TRPM6: variants seen among roughly 807,000 people sequenced by gnomAD.
TRPM6 encodes transient receptor potential cation channel subfamily M member 6.
A neutral mutation model predicts 247.6 loss-of-function variants in TRPM6; 111 were observed. The ratio of observed to expected loss-of-function variants is 0.45; its 90% CI spans 0.38 to 0.52. The LOEUF is 0.52. Among genes scored for constraint, TRPM6 ranks in the 20% least tolerant of loss-of-function variants. TRPM6 has a pLI of 0.00. For synonymous variants in TRPM6, 892 were observed against 853.8 expected (o/e 1.04, Z -0.78); for missense variants, 2,126 against 2,421.5 (o/e 0.88, Z 2.56).
chr9:74,794,120 T>A (rs1400088262), intron 18 of TRPM6, among the ~76,000 whole-genome samples: 1 of 152,206 alleles, frequency 6.6e-6, no homozygotes, highest in Admixed American at 6.5e-5. Flanking sequence ...AAAAGCGATA[T>A]CACTCTACTG....
At chr9:74,883,896 TC>T (rs1192357319) in intron 1 of TRPM6, among the ~76,000 whole-genome samples, 1 of 152,202 alleles carries the variant, frequency 6.6e-6, no homozygotes, top group African/African-American at 2.4e-5. Flanking sequence ...ATGCCTGTAA[TC>T]CCAGCACTTT....
At chr9:74,840,452 A>G (rs972584299) in intron 4 of TRPM6, among the ~76,000 whole-genome samples, 1 of 152,234 alleles carries the variant, frequency 6.6e-6, no homozygotes, top group Non-Finnish European at 1.5e-5. Context: ...AAGTCACTGT[A>G]GGAAAGCTTC....
chr9:74,723,827 A>T lies in TRPM6; in HGVS notation c.*786T>A, dbSNP rs1199765183. 1 of 146,130 alleles carries T rather than the reference A, an allele frequency of 6.8e-6. No individual in the cohort carries two copies. The highest frequency in any genetic ancestry group is 1.5e-5 in the Non-Finnish European group (1 of 66,900). 9.1% of individuals were successfully genotyped at this position (146,130 alleles called of 1,614,324 possible). A position where few individuals can be genotyped will look rare whatever the true frequency, so the allele number is the denominator to read the frequency against. ...ATAAAAATATATATATATATATATAAAATATATATATTCCATATGTATTTT... is the reference window on the plus strand; with the variant it reads ...ATAAAAATATATATATATATATATATAATATATATATTCCATATGTATTTT... On this transcript the variant is annotated 3_prime_UTR_variant, in exon 39 of 39. Coordinates refer to ENST00000360774, the MANE Select transcript of TRPM6 (RefSeq NM_017662.5).
At chr9:74,800,540 G>C in intron 16 of TRPM6, 58 bp from the exon 17 acceptor site, 3 of 1,194,492 alleles carry the variant, frequency 2.5e-6, no homozygotes, top group Non-Finnish European at 3.7e-6. Context: ...TGCATTATTA[G>C]AAACATTTTA....
intron 31 of TRPM6, among the ~76,000 whole-genome samples, chr9:74,746,590 G>A (rs79654226): frequency 0.023 from 3,467 of 152,228 alleles, 132 homozygotes; most frequent in African/African-American, 0.079. Flanking sequence ...AAAACTCAGG[G>A]GTTTGCAGTC....
intron 6 of TRPM6, among the ~76,000 whole-genome samples, chr9:74,833,147 C>T (rs1283288749): frequency 6.6e-6 from 1 of 151,866 alleles, no homozygotes; most frequent in East Asian, 1.9e-4. Context: ...TGAAAAAAAG[C>T]ACATTTATAG....
intron 27 of TRPM6, among the ~76,000 whole-genome samples, chr9:74,757,848 G>T: frequency 6.6e-6 from 1 of 152,094 alleles, no homozygotes; most frequent in East Asian, 1.9e-4. Flanking sequence ...GGGAGGCAGA[G>T]GTTGCAGTGA....
chr9:74,733,958 C>CT (rs1420929049), intron 36 of TRPM6, among the ~76,000 whole-genome samples: 1 of 152,118 alleles, frequency 6.6e-6, no homozygotes, highest in Non-Finnish European at 1.5e-5. Context: ...TGTGAAAATT[C>CT]TTTGAGATGT....
At chr9:74,813,824 C>T (rs943268623) in intron 11 of TRPM6, among the ~76,000 whole-genome samples, 2 of 152,222 alleles carry the variant, frequency 1.3e-5, no homozygotes, top group African/African-American at 2.4e-5. Flanking sequence ...GGGCCGGGCA[C>T]AGGGGCTCAC....
chr9:74,815,592 C>T (rs1377845205), intron 11 of TRPM6, among the ~76,000 whole-genome samples: 1 of 152,136 alleles, frequency 6.6e-6, no homozygotes, highest in Non-Finnish European at 1.5e-5. Context: ...GGGATGACAG[C>T]TGTGCACCAG....
At chr9:74,829,062 G>T (rs1300270427) in intron 6 of TRPM6, among the ~76,000 whole-genome samples, 2 of 152,158 alleles carry the variant, frequency 1.3e-5, no homozygotes, top group African/African-American at 4.8e-5. Context: ...GGAGGCCGAA[G>T]CTAGCGGATC....
chr9:74,847,644 CAGTCATATATAT>C (rs60485591), intron 3 of TRPM6, among the ~76,000 whole-genome samples: 44,068 of 150,728 alleles, frequency 0.29, 7,610 homozygotes, highest in East Asian at 0.5. Flanking sequence ...TAGTCATATA[CAGTCATATATAT>C]AGTCATATAT....
intron 38 of TRPM6, among the ~76,000 whole-genome samples, chr9:74,725,398 G>A (rs1359321599): frequency 6.6e-6 from 1 of 151,708 alleles, no homozygotes; most frequent in East Asian, 1.9e-4. Context: ...AGGATTATGT[G>A]GAAATAAAAC....
At chr9:74,795,854 G>A (rs556298230) in intron 18 of TRPM6, among the ~76,000 whole-genome samples, 1 of 152,272 alleles carries the variant, frequency 6.6e-6, no homozygotes, top group Non-Finnish European at 1.5e-5. Context: ...AGTAAATGCA[G>A]TATTTGATGC....
chr9:74,809,405 G>A (rs1211348269), intron 13 of TRPM6, among the ~76,000 whole-genome samples: 4 of 152,180 alleles, frequency 2.6e-5, no homozygotes, highest in African/African-American at 4.8e-5. Flanking sequence ...TGAAGATTGT[G>A]ACTAATATTC....
intron 3 of TRPM6, among the ~76,000 whole-genome samples, 168 bp downstream of exon 3, chr9:74,855,359 C>T (rs894812187): frequency 1.3e-5 from 2 of 152,162 alleles, no homozygotes; most frequent in African/African-American, 4.8e-5. Context: ...TAGTCTATTA[C>T]GTTCGAATAC....
intron 13 of TRPM6, among the ~76,000 whole-genome samples, chr9:74,809,088 T>C (rs1398984396): frequency 2.0e-5 from 3 of 152,194 alleles, no homozygotes; most frequent in Non-Finnish European, 4.4e-5. Context: ...AGTAACTATC[T>C]GAAACTCCAT....
chr9:74,763,727 TA>T (rs1327302860), intron 25 of TRPM6, among the ~76,000 whole-genome samples: 1 of 152,182 alleles, frequency 6.6e-6, no homozygotes, highest in Admixed American at 6.5e-5. Flanking sequence ...AGAAAAAGCC[TA>T]ATGCAAATTT....
chr9:74,772,193 G>A (rs1335082937), intron 24 of TRPM6, among the ~76,000 whole-genome samples: 1 of 152,186 alleles, frequency 6.6e-6, no homozygotes, highest in African/African-American at 2.4e-5. Context: ...GCAGAAGGAT[G>A]GCTTGAGCCT....
Sources: allele counts gnomAD v4.1 joint callset (sites outside exome capture counted in the v4.1 genomes callset), GRCh38; gene constraint gnomAD v4.1.1; transcripts MANE v1.5; gene names NCBI Gene and HGNC (gene_info 2026-07-23, HGNC 2026-07-21).